CALN1: variants seen among roughly 807,000 people sequenced by gnomAD.
CALN1 encodes the protein calcium-binding protein 8.
CALN1 carries 17 observed loss-of-function variants against 30.6 expected under a neutral mutation model. The ratio of observed to expected loss-of-function variants is 0.56; its 90% CI spans 0.38 to 0.83. The LOEUF (loss-of-function observed/expected upper bound fraction) is 0.83. Ranked by LOEUF, CALN1 falls within the 40% of genes least tolerant of loss-of-function variation. The pLI is 0.00. For missense variants in CALN1, 291 were observed against 354.9 expected, an observed-to-expected ratio of 0.82 and a Z score of 1.45; for synonymous variants, 156 against 131.4, an observed-to-expected ratio of 1.19 and a Z score of -1.28.
chr7:71,830,437 G>T (rs747979568), intron 5 of CALN1, among the ~76,000 whole-genome samples: 1 of 151,866 alleles, frequency 6.6e-6, no homozygotes, highest in Non-Finnish European at 1.5e-5. Context: ...AACCTCTGCC[G>T]CCCAGGTTCA....
intron 3 of CALN1, among the ~76,000 whole-genome samples, chr7:72,204,093 G>A (rs750026073): frequency 3.5e-5 from 5 of 141,870 alleles, no homozygotes; most frequent in South Asian, 4.8e-4. Context: ...CCGGGTCTAC[G>A]CCGTTCTGCC....
intron 3 of CALN1, among the ~76,000 whole-genome samples, chr7:72,243,212 C>T (rs1030490402): frequency 5.3e-5 from 8 of 151,356 alleles, no homozygotes; most frequent in African/African-American, 9.8e-5. Flanking sequence ...GGACTGAGCT[C>T]TCTCTCTCTC....
intron 2 of CALN1, among the ~76,000 whole-genome samples, chr7:72,314,669 C>A (rs1286417678): frequency 6.6e-6 from 1 of 151,812 alleles, no homozygotes; most frequent in Non-Finnish European, 1.5e-5. Context: ...CCCGCCTTGT[C>A]TGCCCAAAGT....
chr7:72,172,509 G>A (rs918366605), intron 3 of CALN1, among the ~76,000 whole-genome samples: 1 of 152,156 alleles, frequency 6.6e-6, no homozygotes, highest in African/African-American at 2.4e-5. Flanking sequence ...TAACTCTAGT[G>A]AACAAAGATG....
chr7:71,864,626 T>C (rs2116688912), intron 5 of CALN1, among the ~76,000 whole-genome samples: 1 of 152,314 alleles, frequency 6.6e-6, no homozygotes, highest in Non-Finnish European at 1.5e-5. Flanking sequence ...CTAAGCCTCC[T>C]GACCCACGGA....
chr7:72,405,370 G>A (rs1293013866), intron 1 of CALN1, among the ~76,000 whole-genome samples: 1 of 152,186 alleles, frequency 6.6e-6, no homozygotes, highest in Non-Finnish European at 1.5e-5. Context: ...GATGATCTGA[G>A]ACCCATCTAG....
intron 4 of CALN1, among the ~76,000 whole-genome samples, chr7:72,027,712 A>G (rs844690): frequency 0.055 from 7,972 of 144,198 alleles, 737 homozygotes; most frequent in African/African-American, 0.19. Flanking sequence ...ACCCTGTCTC[A>G]AAACAAACAA....
chr7:72,239,339 T>G (rs1054841365), intron 3 of CALN1, among the ~76,000 whole-genome samples: 2 of 152,014 alleles, frequency 1.3e-5, no homozygotes, highest in African/African-American at 4.8e-5. Context: ...GAGGCTATAA[T>G]AAGCTATGAT....
the CALN1 span, among the ~76,000 whole-genome samples, chr7:72,490,928 T>C: frequency 6.6e-6 from 1 of 152,174 alleles, no homozygotes; most frequent in East Asian, 1.9e-4. Context: ...CATTATATAA[T>C]GTATGTAATG....
chr7:72,311,651 A>ATTTTTTT (rs56197069), intron 2 of CALN1, among the ~76,000 whole-genome samples: 12 of 48,532 alleles, frequency 2.5e-4, no homozygotes, highest in African/African-American at 9.5e-4. Flanking sequence ...CCTGGCTGAG[A>ATTTTTTT]TTTTTTTTTT....
At chr7:72,283,940 A>G (rs1024074220) in intron 2 of CALN1, among the ~76,000 whole-genome samples, 1 of 152,214 alleles carries the variant, frequency 6.6e-6, no homozygotes, top group Non-Finnish European at 1.5e-5. Flanking sequence ...GGTTAAAACC[A>G]AAAGGGATGG....
intron 1 of CALN1, among the ~76,000 whole-genome samples, chr7:72,418,882 G>A (rs1484286318): frequency 1.3e-5 from 2 of 152,106 alleles, no homozygotes; most frequent in Non-Finnish European, 2.9e-5. Flanking sequence ...CAGGCATGGT[G>A]ATGCATGCCT....
intron 3 of CALN1, among the ~76,000 whole-genome samples, chr7:72,134,699 AG>A (rs1809384042): frequency 6.6e-6 from 1 of 152,246 alleles, no homozygotes; most frequent in Admixed American, 6.5e-5. Flanking sequence ...TGACTGATCA[AG>A]GTGGTGGTTG....
intron 5 of CALN1, among the ~76,000 whole-genome samples, chr7:71,872,747 G>A (rs759295175): frequency 2.0e-5 from 3 of 150,898 alleles, no homozygotes; most frequent in Non-Finnish European, 3.0e-5. Flanking sequence ...CTGAGGAGCT[G>A]TGACTACGGG....
chr7:72,202,391 G>A (rs1791503621), intron 3 of CALN1, among the ~76,000 whole-genome samples: 2 of 151,806 alleles, frequency 1.3e-5, no homozygotes, highest in South Asian at 4.2e-4. Context: ...ACAAACTAAT[G>A]AAAAAAAGAA....
At chr7:72,478,503 G>T in the CALN1 span, among the ~76,000 whole-genome samples, 2 of 151,842 alleles carry the variant, frequency 1.3e-5, no homozygotes, top group African/African-American at 4.8e-5. Flanking sequence ...GGTCAAGGCT[G>T]CAGTAAGCTA....
chr7:72,113,693 C>T (rs10256017), intron 3 of CALN1, among the ~76,000 whole-genome samples: 37,648 of 152,108 alleles, frequency 0.25, 5,585 homozygotes, highest in East Asian at 0.69. Context: ...TCTATTTTCT[C>T]CTGTTTTTGT....
chr7:71,901,258 T>C (rs1793830328), intron 5 of CALN1, among the ~76,000 whole-genome samples: 1 of 152,184 alleles, frequency 6.6e-6, no homozygotes, highest in Admixed American at 6.5e-5. Context: ...AAAGAAATTT[T>C]AGATAACATG....
chr7:72,335,731 C>T (rs1266285897), intron 2 of CALN1, among the ~76,000 whole-genome samples: 1 of 152,168 alleles, frequency 6.6e-6, no homozygotes, highest in African/African-American at 2.4e-5. Context: ...AAGCCTCGTC[C>T]AAGAAAAAAG....
Sources: allele counts gnomAD v4.1 joint callset (sites outside exome capture counted in the v4.1 genomes callset), GRCh38; gene constraint gnomAD v4.1.1; transcripts MANE v1.5; gene names NCBI Gene and HGNC (gene_info 2026-07-23, HGNC 2026-07-21).